TOR3A: variants seen among roughly 807,000 people sequenced by gnomAD.
The protein encoded by TOR3A is torsin-3A.
TOR3A carries 44 observed loss-of-function variants against 42.1 expected under a neutral mutation model. The observed-to-expected ratio is 1.04, with a 90% CI of 0.82 to 1.34. TOR3A has a LOEUF of 1.34. TOR3A is among the 40% of genes most tolerant of loss of function. The probability of loss-of-function intolerance (pLI) is 0.00; values close to 1 mark genes in which losing one functional copy is unlikely to be tolerated. For synonymous variants in TOR3A, 227 were observed against 213.2 expected, an observed-to-expected ratio of 1.06 and a Z score of -0.57; for missense variants, 521 against 507.6, an observed-to-expected ratio of 1.03 and a Z score of -0.25.
chr1:179,092,220 T>G (rs1414071962), intron 4 of TOR3A, among the ~76,000 whole-genome samples: 1 of 152,156 alleles, frequency 6.6e-6, no homozygotes, highest in Non-Finnish European at 1.5e-5. Context: ...ACAGCTCCCC[T>G]CATTTCCCAG....
Position 179,094,141 on chromosome 1 carries a change from G to T in TOR3A, c.867G>T (p.Lys289Asn). Residue 289 changes from lysine (K) to asparagine (N), a missense_variant, in exon 5 of 6, where the codon AAG (lysine) becomes AAT (asparagine). Lys to Asn is a moderately conservative substitution (Grantham distance 94). Coordinates refer to ENST00000367627, the MANE Select transcript of TOR3A (RefSeq NM_022371.4). ...IINEVVLKLL[K>N]AGWSREEITM... ...ATGAGGTGGTCCTAAAGTTGCTCAA[G>T]GCTGGATGGTCCCGGGAAGAAATTA... 1.2e-6 allele frequency: 2 copies of T among 1,614,126 alleles called. No homozygotes were observed. Among genetic ancestry groups the T allele is most frequent in the Non-Finnish European group, 1.7e-6 (2 of 1,180,002 alleles).
rs184236280 is a variant in TOR3A, at chr1:179,093,988, C to G, written c.819-105C>G. On this transcript the variant is annotated intron_variant, in intron 4 of 5. Transcript: ENST00000367627. ...GAAGAGAGAGAAGGTCCACGCCCCTCAGCCTCTATTCTTCCAGGCACTAAT... is the reference window on the plus strand; with the variant it reads ...GAAGAGAGAGAAGGTCCACGCCCCTGAGCCTCTATTCTTCCAGGCACTAAT... 2.6e-5 allele frequency: 37 copies of G among 1,420,158 alleles called. No homozygotes were observed. The East Asian group carries it at 8.1e-4, about 31-fold the overall frequency. The allele number at this position is 1,420,158 out of a possible 1,614,324, so 88.0% of individuals were successfully genotyped here. A position where few individuals can be genotyped will look rare whatever the true frequency, so the allele number is the denominator to read the frequency against.
At position 179,095,093 on chromosome 1, in the gene TOR3A, C is replaced by T. The variant is rs146269781; in HGVS notation, c.1069C>T (p.Leu357=). 1.4e-4 allele frequency: 234 copies of T among 1,614,190 alleles called. No individual in the cohort carries two copies. Among genetic ancestry groups the T allele is most frequent in the Middle Eastern group, 1.6e-4 (1 of 6,062 alleles). Residue 357 remains leucine, a synonymous_variant, in exon 6 of 6, where the codon CTG becomes TTG. Transcript: ENST00000367627. The part of the protein sequence containing the change: ...ARDAFLSQEL[L]YKEETLDEIA... Reference sequence around the variant, plus strand: ...GGATGCCTTCCTGAGCCAGGAGCTCCTGTATAAAGAAGAGACACTGGATGA... The same window carrying T: ...GGATGCCTTCCTGAGCCAGGAGCTCTTGTATAAAGAAGAGACACTGGATGA...
intron 4 of TOR3A, 24 bp downstream of exon 4, chr1:179,088,113 A>G (rs1179690216): frequency 6.5e-7 from 1 of 1,539,820 alleles, no homozygotes; most frequent in Admixed American, 2.1e-5. Flanking sequence ...AACAATAGTC[A>G]GGAGGGCTGG....
In TOR3A at chr1:179,095,914, G is replaced by C. The variant is rs1160197083; in HGVS notation, c.*696G>C. On this transcript the variant is annotated 3_prime_UTR_variant, in exon 6 of 6. Transcript: ENST00000367627. ...CTACAGATTTTGGCGGGGGAGGGGG[G>C]ACCTTTTCAAAGACAATAGGGGGTC... The C allele has an allele frequency of 1.8e-5, 18 of 983,578 alleles. No individual in the cohort carries two copies. The highest frequency in any genetic ancestry group is 2.2e-5 in the Non-Finnish European group (18 of 829,618). 60.9% of individuals were successfully genotyped at this position (983,578 alleles called of 1,614,324 possible).
Position 179,087,945 on chromosome 1 carries a change from A to C in TOR3A, c.674A>C (p.Gln225Pro), listed in dbSNP as rs1557887725. Residue 225 changes from glutamine (Q) to proline (P), a missense_variant, in exon 4 of 6, where the codon CAG (glutamine) becomes CCG (proline). By Grantham distance (76) the Gln-to-Pro change is moderately conservative (BLOSUM62 -1). Transcript: ENST00000367627. ...ATGAGCCAGATCCGGGAGACGCAGC[A>C]GCTCTGCCACCAGACCCTGTTCATC... ...QLMSQIRETQ[Q>P]LCHQTLFIFD... 4 of 1,606,188 alleles carry C rather than the reference A, an allele frequency of 2.5e-6. No homozygotes were observed. Among genetic ancestry groups the C allele is most frequent in the South Asian group, 2.2e-5 (2 of 90,142 alleles).
Position 179,095,449 on chromosome 1 carries a change from TG to T in TOR3A, c.*232del. The T allele has an allele frequency of 7.2e-7, 1 of 1,386,054 alleles. No homozygotes were observed. The highest frequency in any genetic ancestry group is 2.7e-5 in the East Asian group (1 of 37,380). The allele number at this position is 1,386,054 out of a possible 1,614,324, so 85.9% of individuals were successfully genotyped here. On this transcript the variant is annotated 3_prime_UTR_variant, in exon 6 of 6. Coordinates refer to ENST00000367627, the MANE Select transcript of TOR3A (RefSeq NM_022371.4). ...CGAGATAGATAGGAACTTGGATTGC[TG>T]AATTCAAAAACAGAGCCCATTCTTA... is the stretch of plus-strand genomic sequence containing the variant.
chr1:179,089,615 T>A (rs1652523986), intron 4 of TOR3A, among the ~76,000 whole-genome samples: 1 of 152,222 alleles, frequency 6.6e-6, no homozygotes, highest in African/African-American at 2.4e-5. Flanking sequence ...CCTCTCCTCC[T>A]GTTACAGAGA....
rs1332918797 is a variant in TOR3A, at chr1:179,095,564, G to A, written c.*346G>A. The stretch of plus-strand genomic sequence containing the variant: ...GGTGGTTGAAGAAAGCCATGTGGGA[G>A]CTCAGCAAATCCCAAGGGCTTATTA... On this transcript the variant is annotated 3_prime_UTR_variant, in exon 6 of 6. Transcript: ENST00000367627. The A allele has an allele frequency of 1.5e-5, 17 of 1,149,940 alleles. No individual in the cohort carries two copies. Among genetic ancestry groups the A allele is most frequent in the Non-Finnish European group, 1.8e-5 (17 of 931,238 alleles). The allele number at this position is 1,149,940 out of a possible 1,614,324, so 71.2% of individuals were successfully genotyped here.
In TOR3A at chr1:179,082,118, C is replaced by T. The variant is rs1478616911; in HGVS notation, c.-11C>T. On this transcript the variant is annotated 5_prime_UTR_variant, in exon 1 of 6. Transcript: ENST00000367627. ...CCGGCAGCCGGATGGTCCCGCAGCTCGGGGCCGGCCATGCTTCGCGGTCCG... is the reference window on the plus strand; with the variant it reads ...CCGGCAGCCGGATGGTCCCGCAGCTTGGGGCCGGCCATGCTTCGCGGTCCG... 2.7e-6 allele frequency: 4 copies of T among 1,473,096 alleles called. No homozygotes were observed. Among genetic ancestry groups the T allele is most frequent in the African/African-American group, 1.5e-5 (1 of 67,894 alleles). 91.3% of individuals were successfully genotyped at this position (1,473,096 alleles called of 1,614,324 possible).
Position 179,095,255 on chromosome 1 carries a change from C to T in TOR3A, c.*37C>T. 1 of 1,610,918 alleles carries T rather than the reference C, an allele frequency of 6.2e-7. No homozygotes were observed. Among genetic ancestry groups the T allele is most frequent in the Non-Finnish European group, 8.5e-7 (1 of 1,178,766 alleles). ...AGACTTCCTGGAACTGCCTTTCTTC[C>T]ACTAACAGGACCCTGGGACCTGTAG... is the stretch of plus-strand genomic sequence containing the variant. On this transcript the variant is annotated 3_prime_UTR_variant, in exon 6 of 6. Transcript: ENST00000367627.
In TOR3A at chr1:179,082,224, A is replaced by C. The variant is rs776098538; in HGVS notation, c.96A>C (p.Gly32=). The change falls in exon 1 of 6, where the codon GGA becomes GGC. Residue 32 remains glycine (G), a synonymous_variant. Transcript: ENST00000367627. ...EPRGASRPWE[G]TDEPGSAWAW... ...GCGGCGCCTCCAGGCCGTGGGAGGG[A>C]ACCGACGAGCCGGGCTCGGCCTGGG... 4.6e-6 allele frequency: 7 copies of C among 1,514,520 alleles called. No individual in the cohort carries two copies. In the African/African-American group the frequency reaches 1.0e-4, roughly 22 times the overall value. 93.8% of individuals were successfully genotyped at this position (1,514,520 alleles called of 1,614,324 possible).
chr1:179,087,602 A>AG (rs1652465553), intron 3 of TOR3A, among the ~76,000 whole-genome samples: 1 of 152,162 alleles, frequency 6.6e-6, no homozygotes, highest in South Asian at 2.1e-4. Flanking sequence ...GGGCTGGAGC[A>AG]GGGGCCCCTT....
rs1189494700 is a variant in TOR3A, at chr1:179,088,259, G to A, written c.818+170G>A. On this transcript the variant is annotated intron_variant, in intron 4 of 5. Coordinates refer to ENST00000367627, the MANE Select transcript of TOR3A (RefSeq NM_022371.4). ...GTGGTAGCTCACGCCTGTAATCCCA[G>A]CACTTTGGGAGGCCAAGGCGGCCGG... The A allele has an allele frequency of 4.3e-6, 3 of 694,248 alleles. No individual in the cohort carries two copies. In the African/African-American group the frequency reaches 5.5e-5, roughly 13 times the overall value. 43.0% of individuals were successfully genotyped at this position (694,248 alleles called of 1,614,324 possible). A position where few individuals can be genotyped will look rare whatever the true frequency, so the allele number is the denominator to read the frequency against.
chr1:179,082,807 C>T, intron 1 of TOR3A, 133 bp from the exon 2 acceptor site: 1 of 734,850 alleles, frequency 1.4e-6, no homozygotes, highest in East Asian at 2.7e-5. Context: ...GACAGTGGGC[C>T]GAGTCGGGGC....
rs1014128846 is a variant in TOR3A, at chr1:179,095,739, C to T, written c.*521C>T. ...GGGTGGAGAATACACTCTAGGTTTG[C>T]AGGCTGGTGGGCTTTCAAATTGGTA... is the stretch of plus-strand genomic sequence containing the variant. On this transcript the variant is annotated 3_prime_UTR_variant, in exon 6 of 6. Transcript: ENST00000367627. The T allele has an allele frequency of 3.9e-4, 388 of 990,860 alleles. No homozygotes were observed. The highest frequency in any genetic ancestry group is 4.4e-4 in the Non-Finnish European group (369 of 833,402). 61.4% of individuals were successfully genotyped at this position (990,860 alleles called of 1,614,324 possible).
intron 5 of TOR3A, among the ~76,000 whole-genome samples, chr1:179,094,746 C>T (rs1652687199): frequency 6.6e-6 from 1 of 152,088 alleles, no homozygotes; most frequent in African/African-American, 2.4e-5. Flanking sequence ...AGGTGTGGTG[C>T]TGTACGCCTG....
chr1:179,095,096 T>C lies in TOR3A; in HGVS notation c.1072T>C (p.Tyr358His). 1 of 1,614,170 alleles carries C rather than the reference T, an allele frequency of 6.2e-7. No homozygotes were observed. Among genetic ancestry groups the C allele is most frequent in the Non-Finnish European group, 8.5e-7 (1 of 1,180,030 alleles). The part of the protein sequence containing the change: ...RDAFLSQELL[Y>H]KEETLDEIAQ... ...TGCCTTCCTGAGCCAGGAGCTCCTG[T>C]ATAAAGAAGAGACACTGGATGAAAT... The change falls in exon 6 of 6, where the codon TAT becomes CAT. Residue 358 changes from tyrosine to histidine, a missense_variant. Tyr to His is a moderately conservative substitution (Grantham distance 83). Transcript: ENST00000367627.
chr1:179,084,446 G>A (rs1211098676), intron 2 of TOR3A, among the ~76,000 whole-genome samples: 5 of 151,934 alleles, frequency 3.3e-5, no homozygotes, highest in Non-Finnish European at 5.9e-5. Context: ...GGCTGGTCTC[G>A]AACTCCTGAC....
Sources: allele counts gnomAD v4.1 joint callset (sites outside exome capture counted in the v4.1 genomes callset), GRCh38; gene constraint gnomAD v4.1.1; transcripts MANE v1.5; gene names NCBI Gene and HGNC (gene_info 2026-07-23, HGNC 2026-07-21).